Variants in SIDT1 observed in about 807,000 individuals in gnomAD.
SIDT1 encodes SID1 transmembrane family, member 1.
In SIDT1, 101 loss-of-function variants were observed where a neutral mutation model predicts 107.5. The observed-to-expected ratio is 0.94, with a 90% CI of 0.80 to 1.11. The LOEUF is 1.11. Among genes scored for constraint, SIDT1 ranks in the 50% least tolerant of loss-of-function variants. SIDT1 has a pLI of 0.00. For missense variants in SIDT1, 1,076 were observed against 1,058.2 expected, an observed-to-expected ratio of 1.02 and a Z score of -0.23; for synonymous variants, 395 against 398.2, an observed-to-expected ratio of 0.99 and a Z score of 0.10.
chr3:113,632,002 C>A (rs557146524), downstream of SIDT1, among the ~76,000 whole-genome samples: 1 of 152,202 alleles, frequency 6.6e-6, no homozygotes, highest in South Asian at 2.1e-4. Context: ...TTTTTGTCTA[C>A]CTTTAAGTCC....
chr3:113,623,597 G>A (rs1393369204), intron 22 of SIDT1, 26 bp from the exon 23 acceptor site: 1 of 1,603,244 alleles, frequency 6.2e-7, no homozygotes, highest in Non-Finnish European at 8.5e-7. Flanking sequence ...GGTCGCGTGA[G>A]GCCGCATCTG....
intron 1 of SIDT1, among the ~76,000 whole-genome samples, chr3:113,545,973 T>C (rs568752876): frequency 6.6e-6 from 1 of 152,360 alleles, no homozygotes; most frequent in South Asian, 2.1e-4. Flanking sequence ...TAATGCTGTC[T>C]TCTGAACTTT....
chr3:113,596,997 G>C (rs1944605332), intron 10 of SIDT1, among the ~76,000 whole-genome samples: 2 of 152,196 alleles, frequency 1.3e-5, no homozygotes, highest in Non-Finnish European at 2.9e-5. Context: ...GAGGACTCAA[G>C]GAACGCAGGC....
chr3:113,569,406 G>A (rs941919599), intron 3 of SIDT1, among the ~76,000 whole-genome samples: 4 of 152,014 alleles, frequency 2.6e-5, no homozygotes, highest in Admixed American at 6.5e-5. Flanking sequence ...TTTCAAAATC[G>A]TATATGTCAC....
Position 113,583,423 on chromosome 3 carries a change from A to G in SIDT1, c.762A>G (p.Pro254=). ...GTCTTATGCAGAAGAAGGATTTTCC[A>G]GGCGAGCAGTTCTTCGTGGTATTTG... is the stretch of plus-strand genomic sequence containing the variant. ...AAITLQKKDF[P]GEQFFVVFVI... Residue 254 remains proline (P), a synonymous_variant, in exon 7 of 25, where the codon CCA becomes CCG. Coordinates refer to ENST00000264852, the MANE Select transcript of SIDT1 (RefSeq NM_017699.3). 6.3e-7 allele frequency: 1 copy of G among 1,598,152 alleles called. No homozygotes were observed. Among genetic ancestry groups the G allele is most frequent in the Non-Finnish European group, 8.6e-7 (1 of 1,168,846 alleles).
chr3:113,539,956 A>G (rs1360350533), intron 1 of SIDT1, among the ~76,000 whole-genome samples: 1 of 151,644 alleles, frequency 6.6e-6, no homozygotes, highest in African/African-American at 2.4e-5. Context: ...GTGAGCCGAG[A>G]TCACGCCACT....
intron 10 of SIDT1, among the ~76,000 whole-genome samples, chr3:113,599,791 T>G (rs1231882770): frequency 6.6e-6 from 1 of 152,166 alleles, no homozygotes; most frequent in East Asian, 1.9e-4. Context: ...GCAGGTAGGA[T>G]GAATAAGTCT....
At chr3:113,576,096 C>T (rs1942878170) in intron 3 of SIDT1, among the ~76,000 whole-genome samples, 1 of 152,242 alleles carries the variant, frequency 6.6e-6, no homozygotes, top group Non-Finnish European at 1.5e-5. Flanking sequence ...GTGACAAACA[C>T]TTGAACTGTT....
chr3:113,582,745 A>G (rs1158018874), intron 6 of SIDT1, among the ~76,000 whole-genome samples: 1 of 152,222 alleles, frequency 6.6e-6, no homozygotes, highest in Non-Finnish European at 1.5e-5. Flanking sequence ...TCAAAAAACA[A>G]ACAAACAAAC....
rs914713395 is a variant in SIDT1 at position 113,629,146 on chromosome 3, T to C, written c.*1438T>C. 1 of 152,254 alleles carries C rather than the reference T, an allele frequency of 6.6e-6. No individual in the cohort carries two copies. The highest frequency in any genetic ancestry group is 2.4e-5 in the African/African-American group (1 of 41,466). The allele number at this position is 152,254 out of a possible 1,614,324, so 9.4% of individuals were successfully genotyped here. ...GATCAGGCATTTTTTTAAATTATTA[T>C]TCTTTCTCTAAACTATTTGCATTGT... On this transcript the variant is annotated 3_prime_UTR_variant, in exon 25 of 25. Coordinates refer to ENST00000264852, the MANE Select transcript of SIDT1 (RefSeq NM_017699.3).
chr3:113,542,850 T>C (rs1480770713), intron 1 of SIDT1, among the ~76,000 whole-genome samples: 1 of 152,084 alleles, frequency 6.6e-6, no homozygotes, highest in Non-Finnish European at 1.5e-5. Flanking sequence ...CCATAGTTTT[T>C]CCTCAGGCAG....
chr3:113,603,489 G>C (rs149097608), intron 12 of SIDT1, among the ~76,000 whole-genome samples: 1 of 152,176 alleles, frequency 6.6e-6, no homozygotes, highest in African/African-American at 2.4e-5. Flanking sequence ...CCCCGGTTCT[G>C]TGCATATCAT....
chr3:113,574,431 C>T (rs1408520028), intron 3 of SIDT1, among the ~76,000 whole-genome samples: 1 of 152,130 alleles, frequency 6.6e-6, no homozygotes. Flanking sequence ...AAAGGAGGGG[C>T]TTTGAATGCA....
At chr3:113,573,270 G>A (rs944288763) in intron 3 of SIDT1, among the ~76,000 whole-genome samples, 1 of 152,226 alleles carries the variant, frequency 6.6e-6, no homozygotes, top group Non-Finnish European at 1.5e-5. Flanking sequence ...GGATGGTCAA[G>A]TGCAGAAGCC....
At chr3:113,572,735 T>C (rs924758129) in intron 3 of SIDT1, among the ~76,000 whole-genome samples, 10 of 152,124 alleles carry the variant, frequency 6.6e-5, no homozygotes, top group Non-Finnish European at 1.3e-4. Context: ...ATTCAGCAAA[T>C]ATATGTGGCA....
chr3:113,613,289 A>G (rs1945879738), intron 19 of SIDT1, among the ~76,000 whole-genome samples: 1 of 152,230 alleles, frequency 6.6e-6, no homozygotes, highest in Non-Finnish European at 1.5e-5. Flanking sequence ...TGCAGGCCTT[A>G]GAGCAGGCTC....
At chr3:113,633,415 G>GA (rs944595393), downstream of SIDT1, among the ~76,000 whole-genome samples, 1 of 152,170 alleles carries the variant, frequency 6.6e-6, no homozygotes, top group Non-Finnish European at 1.5e-5. Context: ...GGAAAACTGA[G>GA]ATGCGGCAAG....
At chr3:113,620,732 C>T (rs1303216042) in intron 21 of SIDT1, among the ~76,000 whole-genome samples, 1 of 152,158 alleles carries the variant, frequency 6.6e-6, no homozygotes, top group East Asian at 1.9e-4. Context: ...GATTCTTGGG[C>T]AGTGGTCTCT....
intron 1 of SIDT1, among the ~76,000 whole-genome samples, chr3:113,564,354 C>T (rs1241228555): frequency 6.6e-6 from 1 of 152,212 alleles, no homozygotes; most frequent in African/African-American, 2.4e-5. Context: ...TACATGAGCA[C>T]TCATTATATT....
Sources: allele counts gnomAD v4.1 joint callset (sites outside exome capture counted in the v4.1 genomes callset), GRCh38; gene constraint gnomAD v4.1.1; transcripts MANE v1.5; gene names NCBI Gene and HGNC (gene_info 2026-07-23, HGNC 2026-07-21).